The following CUBN variants were observed in gnomAD, a reference collection of about 807,000 sequenced individuals.
CUBN encodes the protein cubilin, also known as 460 kDa receptor.
Under a neutral mutation model 405.3 loss-of-function variants are expected in CUBN, and 282 were observed. The observed-to-expected ratio is 0.70, with a 90% confidence interval of 0.63 to 0.77. CUBN has a LOEUF of 0.77. CUBN is among the 30% of genes least tolerant of loss of function. The pLI, the probability that CUBN is intolerant of heterozygous loss-of-function variation, is 0.00. For synonymous variants in CUBN, 1,684 were observed against 1,617.0 expected, an observed-to-expected ratio of 1.04 and a Z score of -0.99; for missense variants, 4,514 against 4,475.2, an observed-to-expected ratio of 1.01 and a Z score of -0.25.
At chr10:17,047,327 A>G (rs886384659) in intron 23 of CUBN, 87 bp downstream of exon 23, 3 of 1,102,626 alleles carry the variant, frequency 2.7e-6, no homozygotes, top group African/African-American at 1.8e-5. Flanking sequence ...GAGAATTTCC[A>G]TATTTTTTTC....
intron 54 of CUBN, among the ~76,000 whole-genome samples, chr10:16,896,242 A>G (rs1222740929): frequency 2.0e-5 from 3 of 152,176 alleles, no homozygotes; most frequent in Non-Finnish European, 4.4e-5. Context: ...GTATGTACAC[A>G]TATTTTTGCT....
At chr10:16,937,374 A>G (rs908505654) in intron 39 of CUBN, among the ~76,000 whole-genome samples, 10 of 152,190 alleles carry the variant, frequency 6.6e-5, no homozygotes, top group African/African-American at 2.2e-4. Flanking sequence ...CCCCTAATTA[A>G]TATAAAAAAT....
rs376970710 is a variant in CUBN, at chr10:16,939,099, G to C, written c.5597C>G (p.Pro1866Arg). The change falls in exon 38 of 67, where the codon CCT becomes CGT. Residue 1866 changes from proline (P) to arginine (R), a missense_variant. Transcript: ENST00000377833. Reference protein sequence around the residue: ...IVGTHGKVASPFWPENYPHNS... With the variant: ...IVGTHGKVASRFWPENYPHNS... ...ATGTGGGTAGTTTTCAGGCCAGAAA[G>C]GAGAGGCGACTTTCCCATGAGTTCC... The C allele has an allele frequency of 1.2e-6, 2 of 1,613,980 alleles. No individual in the cohort carries two copies. The highest frequency in any genetic ancestry group is 2.7e-5 in the African/African-American group (2 of 75,012).
In CUBN at chr10:16,948,733, A is replaced by G. The variant is rs546217582; in HGVS notation, c.5081-127T>C. ...AAGTGAAGAAATTGCCACTAGGAGAACCACTTCATTCAGGGTCAATGTTTG... is the reference window on the plus strand; with the variant it reads ...AAGTGAAGAAATTGCCACTAGGAGAGCCACTTCATTCAGGGTCAATGTTTG... On this transcript the variant is annotated intron_variant, in intron 34 of 66. Coordinates refer to ENST00000377833, the MANE Select transcript of CUBN (RefSeq NM_001081.4). 3.3e-5 allele frequency: 38 copies of G among 1,148,146 alleles called. No homozygotes were observed. The East Asian group carries it at 9.4e-4, about 28-fold the overall frequency. The allele number at this position is 1,148,146 out of a possible 1,614,324, so 71.1% of individuals were successfully genotyped here.
rs528059511 is a variant in CUBN at position 16,950,059 on chromosome 10, C to A, written c.5022G>T (p.Thr1674=). 29 of 1,613,858 alleles carry A rather than the reference C, an allele frequency of 1.8e-5. No homozygotes were observed. The highest frequency in any genetic ancestry group is 6.7e-5 in the Admixed American group (4 of 59,984). The change falls in exon 34 of 67, where the codon ACG becomes ACT. Residue 1674 remains threonine (T), a synonymous_variant. Coordinates refer to ENST00000377833, the MANE Select transcript of CUBN (RefSeq NM_001081.4). ...AAATTTCTACAAAGTCACGTGCACA[C>A]GTTGTGCTTCTTTCAAGTTCAAAGT... ...FTHFELERST[T]CARDFVEILD... is the part of the protein sequence containing the mutation.
At chr10:16,836,213 A>G in intron 63 of CUBN, 22 bp downstream of exon 63, 2 of 1,606,682 alleles carry the variant, frequency 1.2e-6, no homozygotes. Flanking sequence ...TTTTGAATAA[A>G]AGATGAAGTT....
intron 58 of CUBN, among the ~76,000 whole-genome samples, chr10:16,873,254 G>T (rs1281709953): frequency 6.6e-6 from 1 of 152,190 alleles, no homozygotes; most frequent in African/African-American, 2.4e-5. Context: ...GGTGAAAACA[G>T]TCTTGAACTT....
intron 13 of CUBN, among the ~76,000 whole-genome samples, chr10:17,102,075 G>A (rs1016865019): frequency 1.3e-5 from 2 of 152,016 alleles, no homozygotes; most frequent in East Asian, 1.9e-4. Flanking sequence ...ATTAACTAGT[G>A]GCTTGCAGTC....
chr10:16,883,168 T>C (rs1840712509), intron 56 of CUBN, among the ~76,000 whole-genome samples: 1 of 152,156 alleles, frequency 6.6e-6, no homozygotes, highest in Non-Finnish European at 1.5e-5. Context: ...CTGAGACCTA[T>C]CATCTGTCTT....
At chr10:16,892,104 C>T (rs568448887) in intron 54 of CUBN, among the ~76,000 whole-genome samples, 305 of 152,218 alleles carry the variant, frequency 2.0e-3, no homozygotes, top group African/African-American at 6.9e-3. Flanking sequence ...GAAATCAGTC[C>T]ATAGCAAGAG....
At chr10:16,894,582 T>C (rs1474431187) in intron 54 of CUBN, among the ~76,000 whole-genome samples, 1 of 152,214 alleles carries the variant, frequency 6.6e-6, no homozygotes, top group Non-Finnish European at 1.5e-5. Context: ...CCACATTGTC[T>C]TGATTACTGT....
At chr10:17,022,272 T>G (rs1221897948) in intron 27 of CUBN, among the ~76,000 whole-genome samples, 2 of 152,138 alleles carry the variant, frequency 1.3e-5, no homozygotes, top group Non-Finnish European at 2.9e-5. Flanking sequence ...TCAGGGAAGG[T>G]CAGCAGATAT....
At chr10:16,995,057 C>T (rs1833694393) in intron 28 of CUBN, among the ~76,000 whole-genome samples, 1 of 152,194 alleles carries the variant, frequency 6.6e-6, no homozygotes, top group Admixed American at 6.5e-5. Flanking sequence ...CAGCACTGCT[C>T]TCCAGCCTGG....
intron 58 of CUBN, among the ~76,000 whole-genome samples, chr10:16,870,197 C>A (rs1191282797): frequency 1.3e-5 from 2 of 152,142 alleles, no homozygotes; most frequent in African/African-American, 2.4e-5. Flanking sequence ...ACTATCCCAG[C>A]AATACTTTAG....
chr10:16,829,663 A>G (rs897001265), intron 65 of CUBN, among the ~76,000 whole-genome samples: 5 of 152,208 alleles, frequency 3.3e-5, no homozygotes, highest in Non-Finnish European at 5.9e-5. Context: ...TAGACTATAT[A>G]TCTGTGGAGA....
intron 27 of CUBN, among the ~76,000 whole-genome samples, chr10:17,025,612 T>C (rs1479411344): frequency 6.6e-6 from 1 of 152,084 alleles, no homozygotes; most frequent in Non-Finnish European, 1.5e-5. Context: ...GGAATCAACA[T>C]TTTTTTCCAG....
At chr10:16,857,531 T>C (rs1839896493) in intron 59 of CUBN, among the ~76,000 whole-genome samples, 1 of 152,230 alleles carries the variant, frequency 6.6e-6, no homozygotes, top group South Asian at 2.1e-4. Flanking sequence ...TGAGAATCAT[T>C]CTTTCCAACT....
At chr10:16,877,259 C>T (rs957124340) in intron 56 of CUBN, among the ~76,000 whole-genome samples, 162 bp from the exon 57 acceptor site, 2 of 152,164 alleles carry the variant, frequency 1.3e-5, no homozygotes, top group Non-Finnish European at 2.9e-5. Context: ...ACAATGTTTA[C>T]TCTAACTACA....
chr10:17,004,040 A>G (rs1445315837), intron 28 of CUBN, among the ~76,000 whole-genome samples: 2 of 152,188 alleles, frequency 1.3e-5, no homozygotes, highest in Admixed American at 6.5e-5. Context: ...CACTGTCTTC[A>G]TTACATCAGG....
Sources: gnomAD v4.1 joint callset for allele counts (sites outside exome capture counted in the v4.1 genomes callset) on GRCh38, gnomAD v4.1.1 for gene constraint, MANE v1.5 for transcripts, NCBI Gene and HGNC (gene_info 2026-07-23, HGNC 2026-07-21) for gene names.